The following CCDC197 variants were observed in gnomAD, a reference collection of about 807,000 sequenced individuals.
CCDC197 encodes the protein uncharacterized protein CCDC197.
CCDC197 carries 24 observed loss-of-function variants against 13.4 expected under a neutral mutation model. The ratio of observed to expected loss-of-function variants is 1.80; its 90% confidence interval spans 1.30 to 2.53. CCDC197 has a LOEUF of 2.53. Ranked by LOEUF, CCDC197 falls within the 30% of genes most tolerant of loss-of-function variation. The probability of loss-of-function intolerance (pLI) is 0.00; values close to 1 mark genes in which losing one functional copy is unlikely to be tolerated. For missense variants in CCDC197, 255 were observed against 148.8 expected (o/e 1.71, Z -3.71); for synonymous variants, 99 against 55.5 (o/e 1.78, Z -3.48).
intron 1 of CCDC197, among the ~76,000 whole-genome samples, chr14:93,988,517 T>A: frequency 5.1e-4 from 1 of 1,966 alleles, no homozygotes; most frequent in East Asian, 0.012. Context: ...GAGGAGGGGA[T>A]GGGAGACGGG....
chr14:94,008,902 G>T, downstream of CCDC197: 2 of 634,388 alleles, frequency 3.2e-6, no homozygotes, highest in Non-Finnish European at 2.9e-6. Context: ...TAAGCCAGTG[G>T]GAGAGAGTCT....
At chr14:93,989,579 GA>G (rs2141338915) in intron 1 of CCDC197, among the ~76,000 whole-genome samples, 1 of 152,256 alleles carries the variant, frequency 6.6e-6, no homozygotes, top group South Asian at 2.1e-4. Context: ...CTGGCTTTGG[GA>G]TACTTAGAAT....
At chr14:93,994,043 G>C (rs1567040536), upstream of CCDC197, among the ~76,000 whole-genome samples, 1 of 152,160 alleles carries the variant, frequency 6.6e-6, no homozygotes, top group African/African-American at 2.4e-5. Context: ...GCTGGGGAAG[G>C]GGGAGGAAGA....
intron 3 of CCDC197, 75 bp downstream of exon 3, chr14:93,999,740 G>A (rs896490379): frequency 1.3e-6 from 1 of 762,290 alleles, no homozygotes; most frequent in Non-Finnish European, 2.4e-6. Flanking sequence ...GACACCGTGT[G>A]TGGCCTCATG....
downstream of CCDC197, among the ~76,000 whole-genome samples, chr14:94,011,564 G>A (rs961589104): frequency 1.4e-4 from 21 of 152,188 alleles, no homozygotes; most frequent in African/African-American, 4.3e-4. Flanking sequence ...TTGGCTTTTT[G>A]TCTTACAGAA....
chr14:94,011,305 G>A (rs1890803823), downstream of CCDC197, among the ~76,000 whole-genome samples: 1 of 152,196 alleles, frequency 6.6e-6, no homozygotes, highest in Non-Finnish European at 1.5e-5. Context: ...CCTGCCTGCT[G>A]TGCACCTGTC....
chr14:93,992,298 C>T (rs889275148), intron 1 of CCDC197, among the ~76,000 whole-genome samples: 4 of 152,090 alleles, frequency 2.6e-5, no homozygotes, highest in Non-Finnish European at 5.9e-5. Context: ...CATGGGCCAG[C>T]GAAGAGAAGT....
chr14:93,993,412 G>A (rs1231310423), upstream of CCDC197, among the ~76,000 whole-genome samples: 1 of 152,346 alleles, frequency 6.6e-6, no homozygotes, highest in Non-Finnish European at 1.5e-5. Context: ...AAGATGCTAA[G>A]TGTTGTACGT....
At chr14:94,001,108 G>A in intron 3 of CCDC197, 37 bp from the exon 4 acceptor site, 1 of 727,358 alleles carries the variant, frequency 1.4e-6, no homozygotes, top group East Asian at 2.6e-5. Context: ...CCACTGCAGG[G>A]GCACCCACCC....
exon 1 of CCDC197, chr14:93,987,375 G>A (rs2141336246): frequency 1.3e-5 from 2 of 152,518 alleles, no homozygotes; most frequent in East Asian, 3.9e-4. Flanking sequence ...GGGAAAGCCT[G>A]GCCTGGAGAG....
chr14:94,008,133 G>A (rs899495009), intron 6 of CCDC197, among the ~76,000 whole-genome samples: 1 of 152,294 alleles, frequency 6.6e-6, no homozygotes, highest in South Asian at 2.1e-4. Flanking sequence ...GATGTCACAG[G>A]GTCCCAAGCA....
chr14:93,998,490 C>G (rs1324791284), intron 2 of CCDC197, among the ~76,000 whole-genome samples: 1 of 152,218 alleles, frequency 6.6e-6, no homozygotes, highest in Non-Finnish European at 1.5e-5. Context: ...GCCTCTACAT[C>G]AGGAAGGAGG....
At chr14:93,988,897 G>A (rs1397677016) in intron 1 of CCDC197, among the ~76,000 whole-genome samples, 7 of 147,812 alleles carry the variant, frequency 4.7e-5, no homozygotes, top group Non-Finnish European at 7.5e-5. Context: ...GATGGGAGAC[G>A]GGATGGGAGC....
At chr14:93,990,674 G>T (rs144742424) in intron 1 of CCDC197, among the ~76,000 whole-genome samples, 1 of 152,194 alleles carries the variant, frequency 6.6e-6, no homozygotes, top group Non-Finnish European at 1.5e-5. Context: ...ACAGATTGGG[G>T]TGCACATTGG....
chr14:93,988,283 G>A, intron 1 of CCDC197, among the ~76,000 whole-genome samples: 1 of 108,736 alleles, frequency 9.2e-6, no homozygotes, highest in Non-Finnish European at 1.9e-5. Context: ...GGAAAGGATG[G>A]AGGAGGGGAT....
chr14:94,004,739 A>C, intron 5 of CCDC197, 116 bp from the exon 6 acceptor site: 1 of 621,872 alleles, frequency 1.6e-6, no homozygotes, highest in Non-Finnish European at 2.9e-6. Flanking sequence ...TGAGAAGGAC[A>C]CTCCCAGTGT....
At chr14:94,009,185 C>T (rs1461247612), downstream of CCDC197, among the ~76,000 whole-genome samples, 1 of 152,188 alleles carries the variant, frequency 6.6e-6, no homozygotes, top group Non-Finnish European at 1.5e-5. Context: ...GTCCCAGTCA[C>T]AGGACACTGT....
chr14:94,003,620 GAC>G lies in CCDC197; in HGVS notation c.498+276_498+277del, dbSNP rs1005575396. ...ACACACAAATGCACAGACACACACA[GAC>G]ACACACACAGACATGCAAACACACG... On this transcript the variant is annotated intron_variant, in intron 5 of 6. Coordinates refer to ENST00000636493, the MANE Select transcript of CCDC197 (RefSeq NM_001351596.2). This position sits in a 1 kb window ranked among gnomAD's most constrained non-coding sequence, Gnocchi z 5.0. Among the ~76,000 whole-genome samples, 5 of 133,636 alleles carry G rather than the reference GAC, an allele frequency of 3.7e-5. No individual in the cohort carries two copies. The highest frequency in any genetic ancestry group is 1.3e-4 in the African/African-American group (5 of 38,646). The allele number at this position is 133,636 out of a possible 152,430, so 87.7% of individuals were successfully genotyped here.
In CCDC197 at chr14:94,003,333, A is replaced by G. The variant is rs1247298426; in HGVS notation, c.477A>G (p.Thr159=). 1.3e-6 allele frequency: 1 copy of G among 745,374 alleles called. No homozygotes were observed. Among genetic ancestry groups the G allele is most frequent in the South Asian group, 1.4e-5 (1 of 73,638 alleles). 46.2% of individuals were successfully genotyped at this position (745,374 alleles called of 1,614,324 possible). A position where few individuals can be genotyped will look rare whatever the true frequency, so the allele number is the denominator to read the frequency against. Residue 159 remains threonine (T), a synonymous_variant, in exon 5 of 7, where the codon ACA becomes ACG. Coordinates refer to ENST00000636493, the MANE Select transcript of CCDC197 (RefSeq NM_001351596.2). This position sits in a 1 kb window ranked among gnomAD's most constrained non-coding sequence, Gnocchi z 5.0. The stretch of plus-strand genomic sequence containing the variant: ...ACCAGAAGGACATTGACTTTGACAC[A>G]CACACCAGCAGCAGCTATAATGTGA... ...ITYQKDIDFD[T]HTSSSYNDQL... is the part of the protein sequence containing the mutation.
Sources: gnomAD v4.1 joint callset for allele counts (sites outside exome capture counted in the v4.1 genomes callset) on GRCh38, gnomAD v4.1.1 for gene constraint, Gnocchi (gnomAD v3.1) non-coding constraint, MANE v1.5 for transcripts, NCBI Gene and HGNC (gene_info 2026-07-23, HGNC 2026-07-21) for gene names.